The following PRKCI variants were observed in gnomAD, a reference collection of about 807,000 sequenced individuals.
PRKCI encodes protein kinase C iota, also known as protein kinase C iota type.
Under a neutral mutation model 84.0 loss-of-function variants are expected in PRKCI, and 43 were observed. That is an observed-to-expected ratio of 0.51 (90% CI 0.40 to 0.66). The LOEUF (loss-of-function observed/expected upper bound fraction) is 0.66. Among genes scored for constraint, PRKCI ranks in the 30% least tolerant of loss-of-function variants. The pLI, the probability that PRKCI is intolerant of heterozygous loss-of-function variation, is 0.00. For synonymous variants in PRKCI, 216 were observed against 234.4 expected, an observed-to-expected ratio of 0.92 and a Z score of 0.72; for missense variants, 459 against 745.6, an observed-to-expected ratio of 0.62 and a Z score of 4.48.
chr3:170,226,446 A>T lies in PRKCI; in HGVS notation c.101+3676A>T, dbSNP rs116000366. On this transcript the variant is annotated intron_variant, in intron 1 of 17. Transcript: ENST00000295797. ...ATGTATGTGCTTATCCTTATATAAAATTACTTGCTATTATGGGATAGACTT... is the reference window on the plus strand; with the variant it reads ...ATGTATGTGCTTATCCTTATATAAATTTACTTGCTATTATGGGATAGACTT... 7.2e-3 allele frequency among the ~76,000 whole-genome samples: 1,098 copies of T among 152,268 alleles called. 12 individuals carry two copies. Among genetic ancestry groups the T allele is most frequent in the African/African-American group, 0.025 (1,034 of 41,552 alleles).
rs551864249 is a variant in PRKCI at position 170,301,512 on chromosome 3, C to CT, written c.1704-1519dup. On this transcript the variant is annotated intron_variant, in intron 17 of 17. Coordinates refer to ENST00000295797, the MANE Select transcript of PRKCI (RefSeq NM_002740.6). ...TCTTTCTATTGTTCTCAATCAGTTC[C>CT]TTTTTTTTTAGTTACCTAATTCTGC... Among the ~76,000 whole-genome samples the CT allele has an allele frequency of 1.2e-3, 175 of 151,156 alleles. 1 individual carries two copies. The highest frequency in any genetic ancestry group is 1.2e-3 in the Non-Finnish European group (82 of 67,756).
intron 14 of PRKCI, among the ~76,000 whole-genome samples, chr3:170,294,030 A>G (rs1734635367): frequency 6.6e-6 from 1 of 152,092 alleles, no homozygotes; most frequent in Non-Finnish European, 1.5e-5. Flanking sequence ...TCTTTTCTAT[A>G]GTCTTCACTC....
At chr3:170,273,221 T>C in intron 6 of PRKCI, 65 bp from the exon 7 acceptor site, 1 of 1,271,674 alleles carries the variant, frequency 7.9e-7, no homozygotes, top group Non-Finnish European at 1.1e-6. Flanking sequence ...GTTGTTGAAA[T>C]AGTGTTATTT....
intron 2 of PRKCI, among the ~76,000 whole-genome samples, chr3:170,241,677 CAG>C (rs138894233): frequency 4.0e-5 from 6 of 149,396 alleles, no homozygotes; most frequent in Non-Finnish European, 5.9e-5. Flanking sequence ...GAGACAGAGA[CAG>C]AGAGAGAGAG....
At chr3:170,248,639 A>G (rs1035954808) in intron 2 of PRKCI, among the ~76,000 whole-genome samples, 50 of 152,192 alleles carry the variant, frequency 3.3e-4, no homozygotes. Context: ...CAGTCCAAGA[A>G]AAACAAAATG....
chr3:170,238,056 A>G lies in PRKCI; in HGVS notation c.223+2705A>G, dbSNP rs553286521. ...CCAGTGCCACCCACCCTGGCCCTCC[A>G]TGGCCTTAAAAAAAAATTATATGGG... On this transcript the variant is annotated intron_variant, in intron 2 of 17. Coordinates refer to ENST00000295797, the MANE Select transcript of PRKCI (RefSeq NM_002740.6). Among the ~76,000 whole-genome samples, 205 of 152,240 alleles carry G rather than the reference A, an allele frequency of 1.3e-3. 1 individual carries two copies. The highest frequency in any genetic ancestry group is 4.6e-3 in the African/African-American group (193 of 41,544).
intron 1 of PRKCI, among the ~76,000 whole-genome samples, chr3:170,234,684 A>C (rs1732898712): frequency 6.6e-6 from 1 of 152,216 alleles, no homozygotes; most frequent in Non-Finnish European, 1.5e-5. Flanking sequence ...AATTGCTTTA[A>C]ATCAAGCAAT....
At position 170,297,405 on chromosome 3, in the gene PRKCI, T is replaced by C. The variant is rs1370556494; in HGVS notation, c.1587+12T>C. Reference sequence around the variant, plus strand: ...TTGATTGGGATATGGTATGTAAATTTTGATTACTCAACTATTAGGTTTCAT... The same window carrying C: ...TTGATTGGGATATGGTATGTAAATTCTGATTACTCAACTATTAGGTTTCAT... On this transcript the variant is annotated intron_variant, in intron 16 of 17. Coordinates refer to ENST00000295797, the MANE Select transcript of PRKCI (RefSeq NM_002740.6). The C allele has an allele frequency of 8.8e-6, 14 of 1,591,146 alleles. No homozygotes were observed. The highest frequency in any genetic ancestry group is 1.2e-5 in the Non-Finnish European group (14 of 1,161,532).
intron 2 of PRKCI, among the ~76,000 whole-genome samples, chr3:170,249,583 G>A (rs1170428460): frequency 6.6e-6 from 1 of 152,012 alleles, no homozygotes; most frequent in African/African-American, 2.4e-5. Flanking sequence ...GAGCCTAGGA[G>A]TTTAAGACCA....
intron 2 of PRKCI, among the ~76,000 whole-genome samples, chr3:170,253,751 A>G: frequency 6.6e-6 from 1 of 152,016 alleles, no homozygotes; most frequent in Non-Finnish European, 1.5e-5. Flanking sequence ...AGATCGTGCC[A>G]CTGCACTCCA....
intron 1 of PRKCI, among the ~76,000 whole-genome samples, chr3:170,226,030 T>C (rs1732619749): frequency 6.6e-6 from 1 of 151,952 alleles, no homozygotes; most frequent in African/African-American, 2.4e-5. Context: ...CTCCTGCGGC[T>C]GCCTCCCGAG....
At chr3:170,284,085 G>A (rs968514239) in intron 11 of PRKCI, among the ~76,000 whole-genome samples, 2 of 151,818 alleles carry the variant, frequency 1.3e-5, no homozygotes, top group Non-Finnish European at 2.9e-5. Flanking sequence ...AGGATCACGG[G>A]TCCCTTAGAG....
At chr3:170,237,090 A>T (rs1732999514) in intron 2 of PRKCI, among the ~76,000 whole-genome samples, 1 of 152,232 alleles carries the variant, frequency 6.6e-6, no homozygotes, top group South Asian at 2.1e-4. Context: ...ACAGAGTAGA[A>T]GTTTTTGAGG....
At chr3:170,291,365 T>A (rs2108864642) in intron 12 of PRKCI, among the ~76,000 whole-genome samples, 1 of 152,292 alleles carries the variant, frequency 6.6e-6, no homozygotes, top group East Asian at 1.9e-4. Flanking sequence ...GAGGACAGGT[T>A]TTCTTCAAGC....
intron 3 of PRKCI, among the ~76,000 whole-genome samples, chr3:170,262,927 T>C (rs1431332835): frequency 6.6e-6 from 1 of 151,184 alleles, no homozygotes; most frequent in Non-Finnish European, 1.5e-5. Context: ...TCCCAGCACT[T>C]TGGGAGGCCG....
At chr3:170,302,125 C>G (rs1267475039) in intron 17 of PRKCI, among the ~76,000 whole-genome samples, 1 of 152,204 alleles carries the variant, frequency 6.6e-6, no homozygotes, top group Non-Finnish European at 1.5e-5. Context: ...GGTGAAACTC[C>G]TTAGTGTAAA....
intron 12 of PRKCI, among the ~76,000 whole-genome samples, chr3:170,291,153 T>A (rs999357529): frequency 4.6e-5 from 7 of 151,340 alleles, no homozygotes; most frequent in African/African-American, 1.7e-4. Context: ...AAAAAAGTGT[T>A]CTTAGGAAAA....
intron 15 of PRKCI, among the ~76,000 whole-genome samples, chr3:170,296,656 G>A (rs1393260626): frequency 6.6e-6 from 1 of 151,936 alleles, no homozygotes; most frequent in South Asian, 2.1e-4. Context: ...AGAAATTGAA[G>A]CCTTTTAAAA....
At chr3:170,285,744 T>C (rs1481725317) in intron 12 of PRKCI, among the ~76,000 whole-genome samples, 1 of 150,338 alleles carries the variant, frequency 6.7e-6, no homozygotes, top group Non-Finnish European at 1.5e-5. Flanking sequence ...TAATTAATTA[T>C]TGTTGTTTTT....
Sources: allele counts gnomAD v4.1 joint callset (sites outside exome capture counted in the v4.1 genomes callset), GRCh38; gene constraint gnomAD v4.1.1; transcripts MANE v1.5; gene names NCBI Gene and HGNC (gene_info 2026-07-23, HGNC 2026-07-21).